SDK1: variants seen among roughly 807,000 people sequenced by gnomAD.
The protein encoded by SDK1 is protein sidekick-1.
A neutral mutation model predicts 245.5 loss-of-function variants in SDK1; 157 were observed. The observed-to-expected ratio is 0.64, with a 90% CI of 0.56 to 0.73. The LOEUF is 0.73. Among genes scored for constraint, SDK1 ranks in the 30% least tolerant of loss-of-function variants. SDK1 has a pLI of 0.00. For missense variants in SDK1, 3,583 were observed against 3,002.3 expected (o/e 1.19, Z -4.52); for synonymous variants, 1,647 against 1,278.5 (o/e 1.29, Z -6.15).
chr7:3,730,844 T>G (rs576517411), intron 4 of SDK1, among the ~76,000 whole-genome samples: 1 of 152,140 alleles, frequency 6.6e-6, no homozygotes, highest in Middle Eastern at 3.2e-3. Context: ...CACTCTGGCC[T>G]TGAAGATTCT....
At chr7:3,406,935 T>C (rs1043673613) in intron 1 of SDK1, among the ~76,000 whole-genome samples, 16 of 151,788 alleles carry the variant, frequency 1.1e-4, no homozygotes, top group African/African-American at 3.9e-4. Flanking sequence ...GCAGAAAATA[T>C]CCTTTTTTAG....
At chr7:3,687,986 A>T (rs1038364820) in intron 4 of SDK1, among the ~76,000 whole-genome samples, 4 of 152,144 alleles carry the variant, frequency 2.6e-5, no homozygotes, top group African/African-American at 9.7e-5. Flanking sequence ...ACCCTCAAAG[A>T]TTATTAGAGA....
Position 3,304,481 on chromosome 7 carries a change from C to T in SDK1, c.298+2597C>T, listed in dbSNP as rs141916361. On this transcript the variant is annotated intron_variant, in intron 1 of 44. Transcript: ENST00000404826. ...CTGATTCTGGCAGTGTTCAGTAGAC[C>T]TCCTAGATTCAGCTTGCATTCCTCA... Among the ~76,000 whole-genome samples the T allele has an allele frequency of 4.8e-3, 724 of 152,278 alleles. 10 individuals carry two copies. The highest frequency in any genetic ancestry group is 0.017 in the African/African-American group (687 of 41,542).
At chr7:3,607,534 A>G (rs1179627683) in intron 1 of SDK1, among the ~76,000 whole-genome samples, 3 of 152,206 alleles carry the variant, frequency 2.0e-5, no homozygotes, top group South Asian at 2.1e-4. Flanking sequence ...TTTACTAGGT[A>G]TTTAAGAAAT....
intron 20 of SDK1, 70 bp from the exon 21 acceptor site, chr7:4,076,928 G>A (rs746454300): frequency 1.5e-6 from 2 of 1,356,144 alleles, no homozygotes; most frequent in South Asian, 1.3e-5. Flanking sequence ...TGCAACGATG[G>A]TGCTGTGGAA....
intron 5 of SDK1, among the ~76,000 whole-genome samples, chr7:3,943,634 G>C (rs565082413): frequency 6.6e-6 from 1 of 151,612 alleles, no homozygotes; most frequent in Non-Finnish European, 1.5e-5. Context: ...CGGGGCTGCC[G>C]TGGAAGGGGC....
intron 14 of SDK1, among the ~76,000 whole-genome samples, chr7:4,008,714 G>C (rs1230798718): frequency 6.6e-6 from 1 of 151,754 alleles, no homozygotes. Flanking sequence ...AAGGCAAAAA[G>C]GAAAAAAAGG....
chr7:3,769,581 C>T (rs533700690), intron 4 of SDK1, among the ~76,000 whole-genome samples: 3 of 152,088 alleles, frequency 2.0e-5, no homozygotes, highest in African/African-American at 4.8e-5. Context: ...ATATGACTTT[C>T]GGAGGGGGCA....
At chr7:3,438,172 CATTTT>C (rs770460164) in intron 1 of SDK1, among the ~76,000 whole-genome samples, 10 of 152,220 alleles carry the variant, frequency 6.6e-5, no homozygotes, top group Admixed American at 1.3e-4. Flanking sequence ...TCTTTTTGTT[CATTTT>C]ATTTTATGTA....
intron 1 of SDK1, among the ~76,000 whole-genome samples, chr7:3,405,802 TTTTC>T (rs973449020): frequency 7.3e-5 from 11 of 150,154 alleles, no homozygotes; most frequent in East Asian, 5.8e-4. Flanking sequence ...TTTTCTTTTC[TTTTC>T]TTTCTTTCTT....
At chr7:4,025,304 G>T (rs1787253164) in intron 17 of SDK1, among the ~76,000 whole-genome samples, 1 of 152,200 alleles carries the variant, frequency 6.6e-6, no homozygotes, top group Non-Finnish European at 1.5e-5. Flanking sequence ...GATTCATCAG[G>T]GTCTCGGCTA....
chr7:4,251,626 A>G (rs988824153), intron 44 of SDK1, among the ~76,000 whole-genome samples: 1 of 152,238 alleles, frequency 6.6e-6, no homozygotes. Flanking sequence ...TCCAGAAAGA[A>G]AGCAGGTGTT....
intron 8 of SDK1, among the ~76,000 whole-genome samples, chr7:3,960,983 G>A (rs1583644356): frequency 6.6e-6 from 1 of 152,218 alleles, no homozygotes; most frequent in Admixed American, 6.5e-5. Context: ...AATACTCCCA[G>A]TTCCCTATGT....
At chr7:3,734,234 G>A (rs1779260253) in intron 4 of SDK1, among the ~76,000 whole-genome samples, 1 of 152,144 alleles carries the variant, frequency 6.6e-6, no homozygotes, top group Non-Finnish European at 1.5e-5. Context: ...GTGCCCCACT[G>A]CCAGGCCTAT....
At chr7:3,947,628 A>G (rs114277807) in intron 5 of SDK1, among the ~76,000 whole-genome samples, 3 of 151,400 alleles carry the variant, frequency 2.0e-5, no homozygotes, top group African/African-American at 7.3e-5. Flanking sequence ...ATATATATCT[A>G]TATGTGTATC....
At chr7:4,127,213 A>G (rs1480762677) in intron 25 of SDK1, among the ~76,000 whole-genome samples, 168 bp from the exon 26 acceptor site, 1 of 152,228 alleles carries the variant, frequency 6.6e-6, no homozygotes. Flanking sequence ...CTAATATTAA[A>G]GAGATTTACA....
chr7:4,154,034 A>G (rs1780567003), intron 30 of SDK1, among the ~76,000 whole-genome samples: 1 of 152,194 alleles, frequency 6.6e-6, no homozygotes. Flanking sequence ...GTAAATAAAG[A>G]CAGCAGTGAA....
Position 4,155,305 on chromosome 7 carries a change from C to T in SDK1, c.4626-3143C>T, listed in dbSNP as rs140693791. Among the ~76,000 whole-genome samples the T allele has an allele frequency of 1.4e-3, 213 of 152,130 alleles. 1 individual carries two copies. Among genetic ancestry groups the T allele is most frequent in the African/African-American group, 4.8e-3 (201 of 41,512 alleles). On this transcript the variant is annotated intron_variant, in intron 30 of 44. Transcript: ENST00000404826. The stretch of plus-strand genomic sequence containing the variant: ...CAATCCTTGTTGAATGAAGTGAGTC[C>T]GGCAAAACACAGGCCTCACGCTAAG...
chr7:3,536,314 C>T (rs1778886809), intron 1 of SDK1, among the ~76,000 whole-genome samples: 1 of 151,962 alleles, frequency 6.6e-6, no homozygotes, highest in African/African-American at 2.4e-5. Flanking sequence ...GATCTGCCTG[C>T]CTCAGCCTCC....
Sources: gnomAD v4.1 joint callset for allele counts (sites outside exome capture counted in the v4.1 genomes callset) on GRCh38, gnomAD v4.1.1 for gene constraint, MANE v1.5 for transcripts, NCBI Gene and HGNC (gene_info 2026-07-23, HGNC 2026-07-21) for gene names.